STAT5B: variants seen among roughly 807,000 people sequenced by gnomAD.
The protein encoded by STAT5B is signal transducer and activator of transcription 5B, also known as transcription factor STAT5B.
In STAT5B, 21 loss-of-function variants were observed where a neutral mutation model predicts 107.8. The observed-to-expected ratio is 0.19, with a 90% CI of 0.14 to 0.28. STAT5B has a LOEUF of 0.28. STAT5B is among the 10% of genes least tolerant of loss of function. STAT5B has a pLI of 1.00. For synonymous variants in STAT5B, 325 were observed against 401.7 expected, an observed-to-expected ratio of 0.81 and a Z score of 2.28; for missense variants, 565 against 1,008.2, an observed-to-expected ratio of 0.56 and a Z score of 5.95.
intron 1 of STAT5B, among the ~76,000 whole-genome samples, chr17:42,260,917 C>CTT (rs11402155): frequency 6.5e-4 from 92 of 141,896 alleles, no homozygotes; most frequent in African/African-American, 8.9e-4. Context: ...TATGTCTTAC[C>CTT]TTTTTTTTTT....
rs765767385 is a variant in STAT5B at position 42,224,772 on chromosome 17, C to T, written c.375+7G>A. ...GACTGCCCTCCCCATCCCTATGGGA[C>T]ACTCACATTGTTGGCTTCTCGGACC... On this transcript the variant is annotated splice_region_variant and intron_variant, in intron 4 of 18. Transcript: ENST00000293328. The T allele has an allele frequency of 6.2e-7, 1 of 1,613,682 alleles. No homozygotes were observed. Among genetic ancestry groups the T allele is most frequent in the Non-Finnish European group, 8.5e-7 (1 of 1,179,680 alleles).
intron 13 of STAT5B, chr17:42,210,735 C>T (rs2080121566): frequency 3.8e-6 from 2 of 522,434 alleles, no homozygotes; most frequent in Non-Finnish European, 7.0e-6. Context: ...CAGACACTTT[C>T]ACCTGGGACT....
chr17:42,271,373 T>C (rs2080720883), intron 1 of STAT5B: 1 of 152,250 alleles, frequency 6.6e-6, no homozygotes, highest in African/African-American at 2.4e-5. Context: ...ATTGATTGGC[T>C]CATTGATGTA....
At chr17:42,223,960 G>A (rs575394276) in intron 4 of STAT5B, among the ~76,000 whole-genome samples, 1 of 152,156 alleles carries the variant, frequency 6.6e-6, no homozygotes, top group Non-Finnish European at 1.5e-5. Context: ...CATTAGGGAG[G>A]CCATGGGGAG....
At chr17:42,271,330 T>C (rs899617417) in intron 1 of STAT5B, 3 of 152,236 alleles carry the variant, frequency 2.0e-5, no homozygotes, top group Admixed American at 6.5e-5. Flanking sequence ...TTAAAAATAT[T>C]AGTCACCAAA....
intron 1 of STAT5B, among the ~76,000 whole-genome samples, chr17:42,233,647 C>T (rs1158011571): frequency 1.3e-5 from 2 of 152,056 alleles, no homozygotes; most frequent in Non-Finnish European, 2.9e-5. Flanking sequence ...CCCGCCACCA[C>T]GCCCGGATAA....
At chr17:42,203,878 T>C (rs1294696556) in intron 16 of STAT5B, among the ~76,000 whole-genome samples, 3 of 151,984 alleles carry the variant, frequency 2.0e-5, no homozygotes, top group African/African-American at 7.2e-5. Context: ...CCACCCGCCT[T>C]GGCCTCCCAA....
chr17:42,283,381 A>G, the STAT5B span, among the ~76,000 whole-genome samples: 1 of 152,102 alleles, frequency 6.6e-6, no homozygotes, highest in Non-Finnish European at 1.5e-5. Context: ...TGCCCACCTG[A>G]CTGGCTGGGA....
chr17:42,254,908 T>C (rs1357609573), intron 1 of STAT5B, among the ~76,000 whole-genome samples: 2 of 152,120 alleles, frequency 1.3e-5, no homozygotes, highest in African/African-American at 4.8e-5. Context: ...CTGGCCAACA[T>C]GGTGAAACCC....
chr17:42,241,668 C>T (rs1187265021), intron 1 of STAT5B, among the ~76,000 whole-genome samples: 4 of 152,068 alleles, frequency 2.6e-5, no homozygotes, highest in Non-Finnish European at 4.4e-5. Context: ...GTCTTGAACT[C>T]CTGACCTCAA....
intron 1 of STAT5B, chr17:42,270,387 A>G (rs2080713345): frequency 1.3e-5 from 2 of 152,178 alleles, no homozygotes; most frequent in Non-Finnish European, 2.9e-5. Flanking sequence ...GTGCATGTCA[A>G]CACAAACCCA....
intron 2 of STAT5B, among the ~76,000 whole-genome samples, chr17:42,230,238 G>C (rs541284839): frequency 9.2e-5 from 14 of 152,094 alleles, no homozygotes; most frequent in African/African-American, 3.4e-4. Context: ...ACAGAAATTT[G>C]CTACTAACAC....
In STAT5B at chr17:42,265,377, C is replaced by CTTTTTTTTTTTTTT. The variant is rs371149930; in HGVS notation, c.-11+10870_-11+10871insAAAAAAAAAAAAAA. Among the ~76,000 whole-genome samples the CTTTTTTTTTTTTTT allele has an allele frequency of 7.8e-4, 86 of 110,552 alleles. 8 individuals are homozygous for CTTTTTTTTTTTTTT. The highest frequency in any genetic ancestry group is 2.2e-3 in the African/African-American group (60 of 27,678). The allele number at this position is 110,552 out of a possible 152,430, so 72.5% of individuals were successfully genotyped here. A position where few individuals can be genotyped will look rare whatever the true frequency, so the allele number is the denominator to read the frequency against. ...GCTAAGTCAAAGGGTATGTACTCTT[C>CTTTTTTTTTTTTTT]TTTTTTTTTTTTGAGACGAAGTCTC... On this transcript the variant is annotated intron_variant, in intron 1 of 18. Transcript: ENST00000293328.
chr17:42,245,356 G>T (rs927315607), intron 1 of STAT5B, among the ~76,000 whole-genome samples: 1 of 149,780 alleles, frequency 6.7e-6, no homozygotes, highest in Admixed American at 6.7e-5. Context: ...AATTACAGGC[G>T]TGAGCTACCG....
intron 1 of STAT5B, among the ~76,000 whole-genome samples, chr17:42,254,007 T>C (rs904482541): frequency 2.0e-5 from 3 of 152,030 alleles, no homozygotes; most frequent in East Asian, 1.9e-4. Context: ...ATGTTATAGG[T>C]TGAAACTATG....
At chr17:42,240,461 T>C (rs947003479) in intron 1 of STAT5B, among the ~76,000 whole-genome samples, 4 of 151,860 alleles carry the variant, frequency 2.6e-5, no homozygotes, top group Admixed American at 2.0e-4. Flanking sequence ...AGACGGAAAA[T>C]AGATTGTTGG....
At chr17:42,248,180 CAGA>C (rs2080467867) in intron 1 of STAT5B, among the ~76,000 whole-genome samples, 1 of 144,012 alleles carries the variant, frequency 6.9e-6, no homozygotes, top group Non-Finnish European at 1.5e-5. Flanking sequence ...AGGAGACAGG[CAGA>C]AGAACTGCTT....
chr17:42,271,974 C>T lies in STAT5B; in HGVS notation c.-11+4274G>A, dbSNP rs550179203. 112 of 152,262 alleles carry T rather than the reference C, an allele frequency of 7.4e-4. 1 individual carries two copies. The highest frequency in any genetic ancestry group is 2.5e-3 in the African/African-American group (105 of 41,536). The allele number at this position is 152,262 out of a possible 1,614,324, so 9.4% of individuals were successfully genotyped here. A position where few individuals can be genotyped will look rare whatever the true frequency, so the allele number is the denominator to read the frequency against. The stretch of plus-strand genomic sequence containing the variant: ...GAAAATTTAGAAGAGGTAAACTCCC[C>T]CTAAACTGCAAACACATCTGAATGT... On this transcript the variant is annotated intron_variant, in intron 1 of 18. Transcript: ENST00000293328.
At position 42,218,295 on chromosome 17, in the gene STAT5B, A is replaced by G; in HGVS notation, c.1025T>C (p.Leu342Pro). 1 of 1,614,006 alleles carries G rather than the reference A, an allele frequency of 6.2e-7. No individual in the cohort carries two copies. The highest frequency in any genetic ancestry group is 1.1e-5 in the South Asian group (1 of 91,072). ...FIIEKQPPQVLKTQTKFAATV... is the reference protein window; with the variant it reads ...FIIEKQPPQVPKTQTKFAATV... ...GGCTGCAAACTTGGTCTGGGTCTTC[A>G]GGACCTGAGGAGGCTGCTTCTCAAT... The change falls in exon 9 of 19, where the codon CTG becomes CCG. Residue 342 changes from leucine to proline, a missense_variant. By Grantham distance (98) the Leu-to-Pro change is moderately conservative (BLOSUM62 -3). Around this residue, in one of 11 missense-constraint regions of STAT5B, gnomAD observed 48 missense variants for 106.5 expected, o/e 0.45. Transcript: ENST00000293328.
Sources: allele counts gnomAD v4.1 joint callset (sites outside exome capture counted in the v4.1 genomes callset), GRCh38; gene constraint gnomAD v4.1.1; regional missense constraint gnomAD v4.1.1; transcripts MANE v1.5; gene names NCBI Gene and HGNC (gene_info 2026-07-23, HGNC 2026-07-21).